Variants in RAD23B observed in about 807,000 individuals in gnomAD.
The protein encoded by RAD23B is lysine-specific demethylase RAD23B.
RAD23B carries 5 observed loss-of-function variants against 49.1 expected under a neutral mutation model. The observed-to-expected ratio is 0.10, with a 90% CI of 0.05 to 0.21. The LOEUF is 0.21. Ranked by LOEUF, RAD23B falls within the 10% of genes least tolerant of loss-of-function variation. RAD23B has a pLI of 1.00. For missense variants in RAD23B, 356 were observed against 486.7 expected, an observed-to-expected ratio of 0.73 and a Z score of 2.53; for synonymous variants, 184 against 165.4, an observed-to-expected ratio of 1.11 and a Z score of -0.86.
At chr9:107,306,923 TTG>T (rs1190285981) in intron 4 of RAD23B, among the ~76,000 whole-genome samples, 151 of 66,376 alleles carry the variant, frequency 2.3e-3, no homozygotes, top group Admixed American at 0.012. Context: ...TTTTTTTTTT[TTG>T]AGTAGAAACG....
intron 1 of RAD23B, among the ~76,000 whole-genome samples, chr9:107,287,358 A>G (rs1186639103): frequency 6.6e-6 from 1 of 152,242 alleles, no homozygotes; most frequent in South Asian, 2.1e-4. Context: ...ACTAAAAACA[A>G]AACTCAGTAA....
rs1053133557 is a variant in RAD23B at position 107,330,345 on chromosome 9, T to A, written c.*689T>A. 1 of 152,604 alleles carries A rather than the reference T, an allele frequency of 6.6e-6. No homozygotes were observed. Among genetic ancestry groups the A allele is most frequent in the African/African-American group, 2.4e-5 (1 of 41,430 alleles). The allele number at this position is 152,604 out of a possible 1,614,324, so 9.5% of individuals were successfully genotyped here. On this transcript the variant is annotated 3_prime_UTR_variant, in exon 10 of 10. Transcript: ENST00000358015. This position sits in a 1 kb window ranked among gnomAD's most constrained non-coding sequence, Gnocchi z 4.4. Reference sequence around the variant, plus strand: ...AGAAGCTGTACAAGTATAGGCAGAGTTATTTTCCTGTTTACATTTTTTTTT... The same window carrying A: ...AGAAGCTGTACAAGTATAGGCAGAGATATTTTCCTGTTTACATTTTTTTTT...
intron 1 of RAD23B, 96 bp from the exon 2 acceptor site, chr9:107,300,045 A>G: frequency 1.4e-6 from 2 of 1,392,622 alleles, no homozygotes; most frequent in South Asian, 2.8e-5. Flanking sequence ...ATTAATAATT[A>G]TGTATATAAT....
intron 3 of RAD23B, among the ~76,000 whole-genome samples, chr9:107,304,257 A>C (rs79908229): frequency 1.3e-5 from 2 of 152,236 alleles, no homozygotes; most frequent in Non-Finnish European, 2.9e-5. Flanking sequence ...TTACATTGCA[A>C]TATTATTTTG....
chr9:107,308,121 TA>T (rs951655428), intron 4 of RAD23B, among the ~76,000 whole-genome samples: 8,368 of 146,096 alleles, frequency 0.057, 688 homozygotes, highest in African/African-American at 0.19. Flanking sequence ...AGCTCCTTTT[TA>T]AAAAAAAAAA....
At chr9:107,312,045 T>G (rs1371506309) in intron 5 of RAD23B, among the ~76,000 whole-genome samples, 2 of 152,156 alleles carry the variant, frequency 1.3e-5, no homozygotes, top group Non-Finnish European at 2.9e-5. Context: ...TTACAAAGGG[T>G]CTTTGAAATG....
At position 107,329,732 on chromosome 9, in the gene RAD23B, T is replaced by G; in HGVS notation, c.*76T>G. On this transcript the variant is annotated 3_prime_UTR_variant, in exon 10 of 10. Coordinates refer to ENST00000358015, the MANE Select transcript of RAD23B (RefSeq NM_002874.5). ...GTTCACTGGATTGTCTGGGATGACT[T>G]GGGCTCATATCCACAATACTTGGTA... The G allele has an allele frequency of 1.4e-6, 1 of 730,972 alleles. No homozygotes were observed. The highest frequency in any genetic ancestry group is 2.1e-6 in the Non-Finnish European group (1 of 466,118). The allele number at this position is 730,972 out of a possible 1,614,324, so 45.3% of individuals were successfully genotyped here. A position where few individuals can be genotyped will look rare whatever the true frequency, so the allele number is the denominator to read the frequency against.
Position 107,331,882 on chromosome 9 carries a change from G to T in RAD23B, c.*2226G>T. The T allele has an allele frequency of 2.0e-6, 1 of 496,946 alleles. No homozygotes were observed. The highest frequency in any genetic ancestry group is 4.0e-5 in the South Asian group (1 of 25,006). 30.8% of individuals were successfully genotyped at this position (496,946 alleles called of 1,614,324 possible). A position where few individuals can be genotyped will look rare whatever the true frequency, so the allele number is the denominator to read the frequency against. On this transcript the variant is annotated 3_prime_UTR_variant, in exon 10 of 10. Coordinates refer to ENST00000358015, the MANE Select transcript of RAD23B (RefSeq NM_002874.5). ...AGCCGAGACACCATAAAAGAAATAG[G>T]CTTTTTGTGCCTTTTGCTGTTAATG...
chr9:107,284,016 T>A (rs1833218928), intron 1 of RAD23B: 18 of 1,072,510 alleles, frequency 1.7e-5, no homozygotes, highest in Non-Finnish European at 1.9e-5. Context: ...CCAGGCCGTC[T>A]CAGCCGTAGA....
intron 2 of RAD23B, among the ~76,000 whole-genome samples, chr9:107,300,822 A>G (rs2133074169): frequency 6.6e-6 from 1 of 152,296 alleles, no homozygotes; most frequent in South Asian, 2.1e-4. Flanking sequence ...TTCATTGTAG[A>G]TGTTAGTAAG....
rs549686961 is a variant in RAD23B, at chr9:107,299,674, C to G, written c.67-467C>G. On this transcript the variant is annotated intron_variant, in intron 1 of 9. Coordinates refer to ENST00000358015, the MANE Select transcript of RAD23B (RefSeq NM_002874.5). ...TTTTAATTGGTGTTTGTAAAGTCCC[C>G]CTGGTGATTGTAATGAAACATAACA... 1.4e-3 allele frequency among the ~76,000 whole-genome samples: 216 copies of G among 152,222 alleles called. 1 individual carries two copies. The highest frequency in any genetic ancestry group is 4.8e-3 in the African/African-American group (201 of 41,544).
At chr9:107,306,065 ATATATATC>A (rs1390518799) in intron 3 of RAD23B, among the ~76,000 whole-genome samples, 1 of 134,588 alleles carries the variant, frequency 7.4e-6, no homozygotes, top group Admixed American at 7.2e-5. Flanking sequence ...ATATATATAT[ATATATATC>A]TATATATCTA....
chr9:107,283,661 A>T lies in RAD23B; in HGVS notation c.32A>T (p.Gln11Leu). The stretch of plus-strand genomic sequence containing the variant: ...GTCACCCTGAAGACCCTCCAGCAGC[A>T]GACCTTCAAGATAGACATTGACCCC... MQVTLKTLQQ[Q>L]TFKIDIDPEE... The change falls in exon 1 of 10, where the codon CAG becomes CTG. Residue 11 changes from glutamine to leucine, a missense_variant. Physicochemically the swap from Gln to Leu is moderately radical, Grantham distance 113 (BLOSUM62 -2). Coordinates refer to ENST00000358015, the MANE Select transcript of RAD23B (RefSeq NM_002874.5). 1 of 1,484,840 alleles carries T rather than the reference A, an allele frequency of 6.7e-7. No individual in the cohort carries two copies. Among genetic ancestry groups the T allele is most frequent in the Non-Finnish European group, 9.0e-7 (1 of 1,115,516 alleles). 92.0% of individuals were successfully genotyped at this position (1,484,840 alleles called of 1,614,324 possible).
intron 4 of RAD23B, among the ~76,000 whole-genome samples, chr9:107,308,727 C>T (rs1025039825): frequency 1.3e-5 from 2 of 152,256 alleles, no homozygotes; most frequent in Admixed American, 1.3e-4. Flanking sequence ...CAAAATTTTA[C>T]CTCAGAAATA....
chr9:107,288,911 A>C (rs1833327354), intron 1 of RAD23B, among the ~76,000 whole-genome samples: 4 of 152,242 alleles, frequency 2.6e-5, no homozygotes, highest in African/African-American at 9.6e-5. Context: ...GTAAGAGATA[A>C]GAGAGTGAGT....
intron 1 of RAD23B, among the ~76,000 whole-genome samples, chr9:107,299,345 C>T (rs1826600356): frequency 1.3e-5 from 2 of 152,190 alleles, no homozygotes; most frequent in South Asian, 2.1e-4. Context: ...AATGGGAAAG[C>T]CATCTCTGCC....
rs1384866383 is a variant in RAD23B, at chr9:107,329,700, C to G, written c.*44C>G. 2.6e-6 allele frequency: 3 copies of G among 1,149,536 alleles called. No individual in the cohort carries two copies. The highest frequency in any genetic ancestry group is 2.5e-6 in the Non-Finnish European group (2 of 810,662). 71.2% of individuals were successfully genotyped at this position (1,149,536 alleles called of 1,614,324 possible). A position where few individuals can be genotyped will look rare whatever the true frequency, so the allele number is the denominator to read the frequency against. ...TCACACTTCACACCAGTGCATTACA[C>G]TAACTTGTTCACTGGATTGTCTGGG... On this transcript the variant is annotated 3_prime_UTR_variant, in exon 10 of 10. Transcript: ENST00000358015.
At chr9:107,288,497 G>A (rs1347069307) in intron 1 of RAD23B, among the ~76,000 whole-genome samples, 1 of 152,168 alleles carries the variant, frequency 6.6e-6, no homozygotes, top group Non-Finnish European at 1.5e-5. Flanking sequence ...CCAAGCTGGA[G>A]TGCAGTGGCG....
intron 1 of RAD23B, among the ~76,000 whole-genome samples, chr9:107,288,933 G>A (rs1005465023): frequency 7.2e-5 from 11 of 152,106 alleles, no homozygotes; most frequent in African/African-American, 2.7e-4. Context: ...AGGCAAGTGA[G>A]TTAGGCTAGG....
Sources: gnomAD v4.1 joint callset for allele counts (sites outside exome capture counted in the v4.1 genomes callset) on GRCh38, gnomAD v4.1.1 for gene constraint, Gnocchi (gnomAD v3.1) non-coding constraint, MANE v1.5 for transcripts, NCBI Gene and HGNC (gene_info 2026-07-23, HGNC 2026-07-21) for gene names.